FYN: variants seen among roughly 807,000 people sequenced by gnomAD.
The protein encoded by FYN is tyrosine-protein kinase Fyn.
Under a neutral mutation model 70.2 loss-of-function variants are expected in FYN, and 10 were observed. The ratio of observed to expected loss-of-function variants is 0.14; its 90% CI spans 0.09 to 0.24. The LOEUF is 0.24. Among genes scored for constraint, FYN ranks in the 10% least tolerant of loss-of-function variants. The pLI, the probability that FYN is intolerant of heterozygous loss-of-function variation, is 1.00. For synonymous variants in FYN, 236 were observed against 248.6 expected (o/e 0.95, Z 0.48); for missense variants, 319 against 673.1 (o/e 0.47, Z 5.82).
intron 1 of FYN, among the ~76,000 whole-genome samples, chr6:111,851,839 T>C (rs528324638): frequency 6.6e-6 from 1 of 151,114 alleles, no homozygotes; most frequent in South Asian, 2.1e-4. Flanking sequence ...ACAACACTGC[T>C]TGGGCAGGCT....
At chr6:111,782,811 T>C (rs752699463) in intron 2 of FYN, among the ~76,000 whole-genome samples, 16 of 152,204 alleles carry the variant, frequency 1.1e-4, no homozygotes, top group Non-Finnish European at 2.1e-4. Context: ...CAGGTACAGT[T>C]GCTCTGGCCT....
chr6:111,866,542 G>A (rs1774111869), intron 1 of FYN, among the ~76,000 whole-genome samples: 1 of 152,134 alleles, frequency 6.6e-6, no homozygotes, highest in African/African-American at 2.4e-5. Context: ...AGGTTTCGCC[G>A]TGTTGGCCAG....
At chr6:111,864,465 C>T (rs188111845) in intron 1 of FYN, among the ~76,000 whole-genome samples, 1 of 152,304 alleles carries the variant, frequency 6.6e-6, no homozygotes, top group East Asian at 1.9e-4. Flanking sequence ...GAGTCCCTGA[C>T]TTCCAAAGAG....
intron 1 of FYN, among the ~76,000 whole-genome samples, chr6:111,871,730 T>C (rs2114257005): frequency 6.6e-6 from 1 of 152,320 alleles, no homozygotes; most frequent in Non-Finnish European, 1.5e-5. Flanking sequence ...TTAGTACTTG[T>C]TCCCAAAAGG....
At position 111,817,232 on chromosome 6, in the gene FYN, A is replaced by T. The variant is rs375393200; in HGVS notation, c.-82+29357T>A. ...TATTTTTCTGTATTTTTGTTTTTTT[A>T]AAAAAACATAGCAACCACATATTTT... On this transcript the variant is annotated intron_variant, in intron 2 of 13. Coordinates refer to ENST00000354650, the MANE Select transcript of FYN (RefSeq NM_002037.5). 3.1e-3 allele frequency among the ~76,000 whole-genome samples: 473 copies of T among 151,512 alleles called. 1 individual carries two copies. Among genetic ancestry groups the T allele is most frequent in the African/African-American group, 0.011 (442 of 41,464 alleles).
At chr6:111,698,216 C>T (rs1191893381) in intron 9 of FYN, among the ~76,000 whole-genome samples, 2 of 152,216 alleles carry the variant, frequency 1.3e-5, no homozygotes, top group Non-Finnish European at 2.9e-5. Flanking sequence ...TCACCGCAAC[C>T]TCCACCTCCC....
chr6:111,733,642 T>C (rs1376619269), intron 3 of FYN, among the ~76,000 whole-genome samples: 1 of 152,080 alleles, frequency 6.6e-6, no homozygotes, highest in Non-Finnish European at 1.5e-5. Flanking sequence ...GGTTGCTGAG[T>C]AGCCCTGTGG....
chr6:111,699,444 A>G, intron 9 of FYN: 1 of 1,518,836 alleles, frequency 6.6e-7, no homozygotes, highest in South Asian at 1.2e-5. Flanking sequence ...CTGTGTGTGC[A>G]TTTTTGTTCA....
chr6:111,865,351 A>G (rs1475618254), intron 1 of FYN, among the ~76,000 whole-genome samples: 1 of 152,224 alleles, frequency 6.6e-6, no homozygotes, highest in Non-Finnish European at 1.5e-5. Flanking sequence ...GCAGGCTGAG[A>G]CAAATGGGAA....
At chr6:111,758,822 AG>A (rs11355233) in intron 3 of FYN, 48,333 of 152,234 alleles carry the variant, frequency 0.32, 8,745 homozygotes, top group East Asian at 0.47. Flanking sequence ...GCATGAACAA[AG>A]CTCCACTTAC....
intron 13 of FYN, among the ~76,000 whole-genome samples, chr6:111,668,854 C>A (rs1045333498): frequency 2.0e-5 from 3 of 152,178 alleles, no homozygotes; most frequent in Non-Finnish European, 4.4e-5. Flanking sequence ...TTTCATTCGG[C>A]TTCCCAGTCT....
At chr6:111,773,573 AGGG>A (rs1803568931) in intron 3 of FYN, among the ~76,000 whole-genome samples, 2 of 58,660 alleles carry the variant, frequency 3.4e-5, no homozygotes, top group Non-Finnish European at 6.3e-5. Flanking sequence ...GGAGAGGGAG[AGGG>A]GGAGGGGGAG....
chr6:111,842,646 G>T (rs1773398314), intron 2 of FYN, among the ~76,000 whole-genome samples: 1 of 152,114 alleles, frequency 6.6e-6, no homozygotes, highest in Admixed American at 6.5e-5. Flanking sequence ...TCCCACAAAA[G>T]AAAAAACTTG....
At chr6:111,797,007 T>C (rs1322312430) in intron 2 of FYN, among the ~76,000 whole-genome samples, 2 of 152,230 alleles carry the variant, frequency 1.3e-5, no homozygotes, top group East Asian at 1.9e-4. Context: ...CTTGGCATAG[T>C]GCATAGTAGT....
At chr6:111,681,216 C>T (rs572509373) in intron 12 of FYN, among the ~76,000 whole-genome samples, 20 of 152,088 alleles carry the variant, frequency 1.3e-4, no homozygotes, top group African/African-American at 4.6e-4. Context: ...TTAGTAGAGG[C>T]GGTGTTTCAC....
intron 10 of FYN, among the ~76,000 whole-genome samples, chr6:111,695,678 T>G (rs1328388678): frequency 3.3e-5 from 5 of 152,248 alleles, no homozygotes; most frequent in African/African-American, 1.2e-4. Flanking sequence ...GGCTGTTTCT[T>G]GTTTGGTTCA....
At chr6:111,847,539 A>T (rs1183295556) in intron 1 of FYN, among the ~76,000 whole-genome samples, 1 of 152,138 alleles carries the variant, frequency 6.6e-6, no homozygotes, top group Admixed American at 6.5e-5. Flanking sequence ...AAAGGCAGGA[A>T]CAATTTTTCC....
chr6:111,669,881 G>A (rs2237254), intron 13 of FYN, among the ~76,000 whole-genome samples: 7,691 of 151,848 alleles, frequency 0.051, 228 homozygotes, highest in East Asian at 0.096. Context: ...ACACACAAAC[G>A]GGGGGCCCAA....
chr6:111,673,630 T>C (rs1008236554), intron 13 of FYN, among the ~76,000 whole-genome samples: 4 of 148,828 alleles, frequency 2.7e-5, no homozygotes, highest in African/African-American at 7.4e-5. Flanking sequence ...TTGTTTTTTT[T>C]TTTTTTTTTT....
Sources: gnomAD v4.1 joint callset for allele counts (sites outside exome capture counted in the v4.1 genomes callset) on GRCh38, gnomAD v4.1.1 for gene constraint, MANE v1.5 for transcripts, NCBI Gene and HGNC (gene_info 2026-07-23, HGNC 2026-07-21) for gene names.